The following MROH2B variants were observed in gnomAD, a reference collection of about 807,000 sequenced individuals.
MROH2B encodes the protein maestro heat-like repeat-containing protein family member 2B.
A neutral mutation model predicts 208.6 loss-of-function variants in MROH2B; 177 were observed. The ratio of observed to expected loss-of-function variants is 0.85; its 90% CI spans 0.75 to 0.96. The LOEUF (loss-of-function observed/expected upper bound fraction) is 0.96. Ranked by LOEUF, MROH2B falls within the 40% of genes least tolerant of loss-of-function variation. The probability of loss-of-function intolerance (pLI) is 0.00; values close to 1 mark genes in which losing one functional copy is unlikely to be tolerated. For missense variants in MROH2B, 2,002 were observed against 1,878.7 expected (o/e 1.07, Z -1.21); for synonymous variants, 728 against 659.0 (o/e 1.10, Z -1.60).
chr5:40,999,825 T>C, intron 39 of MROH2B, 46 bp from the exon 40 acceptor site: 1 of 1,564,288 alleles, frequency 6.4e-7, no homozygotes, highest in South Asian at 1.1e-5. Context: ...AAAGTGAACC[T>C]TTGTGACATT....
At chr5:40,998,578 C>A (rs1741283428) in intron 41 of MROH2B, 34 bp downstream of exon 41, 4 of 1,530,616 alleles carry the variant, frequency 2.6e-6, no homozygotes, top group Non-Finnish European at 2.7e-6. Context: ...AAGAATGTAA[C>A]AATATGCTGG....
At chr5:41,004,946 G>T in intron 35 of MROH2B, 26 bp from the exon 36 acceptor site, 1 of 1,610,366 alleles carries the variant, frequency 6.2e-7, no homozygotes, top group Non-Finnish European at 8.5e-7. Flanking sequence ...CACTCCTCCC[G>T]TTTAGTTAAG....
chr5:41,032,237 C>T lies in MROH2B; in HGVS notation c.2441+505G>A, dbSNP rs570736410. Among the ~76,000 whole-genome samples the T allele has an allele frequency of 2.8e-3, 425 of 152,210 alleles. 6 individuals carry two copies. The highest frequency in any genetic ancestry group is 9.9e-3 in the African/African-American group (412 of 41,540). On this transcript the variant is annotated intron_variant, in intron 24 of 41. Coordinates refer to ENST00000399564, the MANE Select transcript of MROH2B (RefSeq NM_173489.5). ...CTTTTCTCCACAACCTTAGCAGCAT[C>T]TTTGAGTTTTTAGTAATAGCCATTC...
chr5:41,041,483 G>A (rs556051443), intron 19 of MROH2B, among the ~76,000 whole-genome samples: 5 of 152,218 alleles, frequency 3.3e-5, no homozygotes, highest in Non-Finnish European at 7.4e-5. Context: ...AATTAGCCGG[G>A]CATGGTAGCA....
At position 41,009,868 on chromosome 5, in the gene MROH2B, T is replaced by C. The variant is rs567983118; in HGVS notation, c.3293+54A>G. On this transcript the variant is annotated intron_variant, in intron 31 of 41. Coordinates refer to ENST00000399564, the MANE Select transcript of MROH2B (RefSeq NM_173489.5). ...TCTCAAACCGTAAATCCCTCCCCAG[T>C]GCCTTTCAGAGTGGCCTTCCCTAGG... 9 of 1,554,622 alleles carry C rather than the reference T, an allele frequency of 5.8e-6. No homozygotes were observed. In the African/African-American group the frequency reaches 1.1e-4, roughly 19 times the overall value.
chr5:41,006,773 G>A (rs1741607079), intron 34 of MROH2B, among the ~76,000 whole-genome samples: 1 of 152,124 alleles, frequency 6.6e-6, no homozygotes. Context: ...CTCATATGTG[G>A]GAGCTAAGCT....
intron 24 of MROH2B, among the ~76,000 whole-genome samples, chr5:41,031,692 A>C (rs1326890745): frequency 6.6e-6 from 1 of 151,994 alleles, no homozygotes; most frequent in Non-Finnish European, 1.5e-5. Context: ...TCTAATCAAT[A>C]AGCATAGAAC....
intron 24 of MROH2B, among the ~76,000 whole-genome samples, chr5:41,023,520 C>T (rs1204507092): frequency 1.3e-5 from 2 of 152,304 alleles, no homozygotes; most frequent in Middle Eastern, 3.4e-3. Flanking sequence ...TGAACAAAGC[C>T]TCCAAGAAAT....
chr5:40,998,718 A>C (rs1160441340), intron 40 of MROH2B, 41 bp from the exon 41 acceptor site: 1 of 1,504,460 alleles, frequency 6.6e-7, no homozygotes, highest in Non-Finnish European at 9.1e-7. Flanking sequence ...TTCATTATAG[A>C]GGAAGAAGCC....
chr5:41,054,847 GAC>G lies in MROH2B; in HGVS notation c.1034-9_1034-8del. On this transcript the variant is annotated splice_polypyrimidine_tract_variant and splice_region_variant and intron_variant, in intron 10 of 41. Transcript: ENST00000399564. ...TGATCCCTCAACCTGGGCTCTGAAA[GAC>G]AGAGGGAGAAATTGAGAGGCCTGAC... 7 of 1,603,176 alleles carry G rather than the reference GAC, an allele frequency of 4.4e-6. No individual in the cohort carries two copies. Among genetic ancestry groups the G allele is most frequent in the Non-Finnish European group, 6.0e-6 (7 of 1,173,580 alleles).
At chr5:41,030,355 A>G (rs1406025230) in intron 24 of MROH2B, among the ~76,000 whole-genome samples, 2 of 152,078 alleles carry the variant, frequency 1.3e-5, no homozygotes, top group Non-Finnish European at 2.9e-5. Flanking sequence ...CTATATACCA[A>G]CAATAATCCC....
intron 1 of MROH2B, 99 bp from the exon 2 acceptor site, chr5:41,069,851 CT>C: frequency 8.5e-6 from 2 of 234,216 alleles, no homozygotes; most frequent in African/African-American, 3.7e-5. Flanking sequence ...TTCATTTATC[CT>C]CTCTCTCTCT....
chr5:41,045,688 A>C, intron 18 of MROH2B, 58 bp downstream of exon 18: 1 of 1,283,406 alleles, frequency 7.8e-7, no homozygotes, highest in Non-Finnish European at 1.1e-6. Context: ...ATGGAGCTAG[A>C]GCAGCCATTT....
At chr5:41,015,558 A>G (rs570233442) in intron 28 of MROH2B, 80 bp from the exon 29 acceptor site, 7 of 1,239,716 alleles carry the variant, frequency 5.6e-6, no homozygotes, top group Non-Finnish European at 8.1e-6. Flanking sequence ...TTTTGATATG[A>G]CACTAAATTA....
chr5:41,038,751 ATGAAGAGACAGGACT>A lies in MROH2B; in HGVS notation c.2184_2198del (p.Gln728_Leu732del). The A allele has an allele frequency of 6.2e-7, 1 of 1,612,298 alleles. No individual in the cohort carries two copies. The highest frequency in any genetic ancestry group is 1.8e-4 in the Middle Eastern group (1 of 5,608). The stretch of plus-strand genomic sequence containing the variant: ...CGGGCATTACCTGAGAGCACTGGCC[ATGAAGAGACAGGACT>A]TGGGATATGATATCTTGATTAAGTC... On this transcript the variant is annotated inframe_deletion, in exon 21 of 42. Transcript: ENST00000399564.
At chr5:41,057,562 C>CTTTTTTTTTTTTTTTTT (rs1743497906) in intron 7 of MROH2B, among the ~76,000 whole-genome samples, 3 of 4,372 alleles carry the variant, frequency 6.9e-4, no homozygotes, top group African/African-American at 1.6e-3. Flanking sequence ...GAATATCCCT[C>CTTTTTTTTTTTTTTTTT]CTTTTTTTTT....
At chr5:41,018,233 C>T (rs1026255453) in intron 27 of MROH2B, 108 bp downstream of exon 27, 1 of 1,178,794 alleles carries the variant, frequency 8.5e-7, no homozygotes, top group African/African-American at 1.5e-5. Context: ...AAAAGCACTT[C>T]ACTCTGAGAT....
At chr5:41,057,967 G>C (rs1332757380) in intron 7 of MROH2B, 96 bp downstream of exon 7, 1 of 1,208,196 alleles carries the variant, frequency 8.3e-7, no homozygotes, top group Non-Finnish European at 1.1e-6. Context: ...GCCCAAACAG[G>C]AGTTTAAGCT....
Position 41,067,227 on chromosome 5 carries a change from A to G in MROH2B, c.91-9T>C. The G allele has an allele frequency of 6.9e-7, 1 of 1,448,416 alleles. No individual in the cohort carries two copies. The highest frequency in any genetic ancestry group is 1.2e-5 in the South Asian group (1 of 81,798). The allele number at this position is 1,448,416 out of a possible 1,614,324, so 89.7% of individuals were successfully genotyped here. A position where few individuals can be genotyped will look rare whatever the true frequency, so the allele number is the denominator to read the frequency against. ...TGACTGTAAATGTCTTCCTGTGAAT[A>G]TACAAAGGCATACACAGAAATTTGG... On this transcript the variant is annotated splice_polypyrimidine_tract_variant and intron_variant, in intron 2 of 41. Transcript: ENST00000399564.
Sources: gnomAD v4.1 joint callset for allele counts (sites outside exome capture counted in the v4.1 genomes callset) on GRCh38, gnomAD v4.1.1 for gene constraint, MANE v1.5 for transcripts, NCBI Gene and HGNC (gene_info 2026-07-23, HGNC 2026-07-21) for gene names.